VASH2: variants seen among roughly 807,000 people sequenced by gnomAD.
VASH2 encodes the protein tubulinyl-Tyr carboxypeptidase 2.
A neutral mutation model predicts 37.2 loss-of-function variants in VASH2; 28 were observed. The observed-to-expected ratio is 0.75, with a 90% CI of 0.56 to 1.03. The LOEUF (loss-of-function observed/expected upper bound fraction) is 1.03, where lower values mean the gene tolerates loss of function less well. VASH2 is among the 50% of genes least tolerant of loss of function. VASH2 has a pLI of 0.00. For synonymous variants in VASH2, 188 were observed against 174.7 expected, an observed-to-expected ratio of 1.08 and a Z score of -0.60; for missense variants, 419 against 459.1, an observed-to-expected ratio of 0.91 and a Z score of 0.80.
chr1:212,959,105 A>G (rs772213856), intron 2 of VASH2, among the ~76,000 whole-genome samples: 1 of 152,174 alleles, frequency 6.6e-6, no homozygotes, highest in Non-Finnish European at 1.5e-5. Context: ...TCGTTCGTAC[A>G]GGGCCTAAAA....
intron 2 of VASH2, among the ~76,000 whole-genome samples, chr1:212,958,297 C>T (rs530019839): frequency 1.8e-3 from 268 of 152,340 alleles, no homozygotes; most frequent in Non-Finnish European, 2.5e-3. Flanking sequence ...TGCGCCTCCC[C>T]GCCACTGCCC....
rs911885402 is a variant in VASH2 at position 212,968,103 on chromosome 1, C to T, written c.497+1758C>T. On this transcript the variant is annotated intron_variant, in intron 5 of 7. Transcript: ENST00000517399. ...AGGATCGGATTTAGGGAAAGATGAG[C>T]TCAGATTTGGACATGTGAAATTTGA... 4 of 649,784 alleles carry T rather than the reference C, an allele frequency of 6.2e-6. No individual in the cohort carries two copies. The African/African-American group carries it at 7.9e-5, about 13-fold the overall frequency. 40.3% of individuals were successfully genotyped at this position (649,784 alleles called of 1,614,324 possible).
chr1:212,955,428 T>C (rs972441323), intron 2 of VASH2, among the ~76,000 whole-genome samples: 2 of 152,160 alleles, frequency 1.3e-5, no homozygotes, highest in Admixed American at 6.5e-5. Flanking sequence ...AAGTTAGCAG[T>C]TGACGAGGTC....
chr1:212,986,652 T>C (rs1273065390), intron 7 of VASH2, among the ~76,000 whole-genome samples: 1 of 152,084 alleles, frequency 6.6e-6, no homozygotes, highest in East Asian at 1.9e-4. Context: ...AGTGGCTTTG[T>C]TTAAGGGAAT....
At chr1:212,963,904 T>G (rs908947404) in intron 3 of VASH2, among the ~76,000 whole-genome samples, 1 of 152,170 alleles carries the variant, frequency 6.6e-6, no homozygotes, top group African/African-American at 2.4e-5. Flanking sequence ...GGAACCTCGT[T>G]GCTTGTATAA....
At chr1:212,983,429 A>C (rs1329228304) in intron 7 of VASH2, among the ~76,000 whole-genome samples, 1 of 152,238 alleles carries the variant, frequency 6.6e-6, no homozygotes, top group Non-Finnish European at 1.5e-5. Context: ...AAAGAGAGCA[A>C]GCACAAGTGT....
intron 7 of VASH2, among the ~76,000 whole-genome samples, chr1:212,987,400 A>AC (rs921142739): frequency 3.9e-5 from 6 of 152,026 alleles, no homozygotes; most frequent in African/African-American, 1.4e-4. Context: ...ACATGGTGAA[A>AC]CCCCATGTCT....
rs567050851 is a variant in VASH2, at chr1:212,971,726, G to A, written c.498-854G>A. Among the ~76,000 whole-genome samples, 24 of 152,272 alleles carry A rather than the reference G, an allele frequency of 1.6e-4. No homozygotes were observed. The highest frequency in any genetic ancestry group is 2.5e-4 in the Non-Finnish European group (17 of 68,020). Reference sequence around the variant, plus strand: ...TAAACCGAGAGCAGAGGACAAGGCTGCCGCCAGTGCTGTGGATGGATTCTG... The same window carrying A: ...TAAACCGAGAGCAGAGGACAAGGCTACCGCCAGTGCTGTGGATGGATTCTG... On this transcript the variant is annotated intron_variant, in intron 5 of 7. Transcript: ENST00000517399. The surrounding 1 kb of genome is among the most constrained non-coding windows in gnomAD (Gnocchi z 4.0).
At chr1:212,973,365 T>C (rs1371445336) in intron 6 of VASH2, 1 of 1,283,126 alleles carries the variant, frequency 7.8e-7, no homozygotes, top group Non-Finnish European at 1.0e-6. Flanking sequence ...ACGTCCCTCT[T>C]CTCTCTCTCA....
chr1:212,957,242 C>T (rs930555816), intron 2 of VASH2, among the ~76,000 whole-genome samples: 3 of 152,168 alleles, frequency 2.0e-5, no homozygotes, highest in Non-Finnish European at 4.4e-5. Context: ...CACTGTATAC[C>T]ATCGTATATT....
Position 212,951,516 on chromosome 1 carries a change from T to C in VASH2, c.-27T>C. The C allele has an allele frequency of 7.8e-7, 1 of 1,285,794 alleles. No homozygotes were observed. 79.6% of individuals were successfully genotyped at this position (1,285,794 alleles called of 1,614,324 possible). A position where few individuals can be genotyped will look rare whatever the true frequency, so the allele number is the denominator to read the frequency against. On this transcript the variant is annotated 5_prime_UTR_variant, in exon 2 of 8. Transcript: ENST00000517399. The surrounding 1 kb of genome is among the most constrained non-coding windows in gnomAD (Gnocchi z 4.4). Reference sequence around the variant, plus strand: ...CGCTGCCGCCGCCGCGCGCCCCCAGTACCTCGCTCCCCGCCCAGGCCCCAC... The same window carrying C: ...CGCTGCCGCCGCCGCGCGCCCCCAGCACCTCGCTCCCCGCCCAGGCCCCAC...
At chr1:212,954,203 G>A (rs1202399119) in intron 2 of VASH2, among the ~76,000 whole-genome samples, 2 of 152,078 alleles carry the variant, frequency 1.3e-5, no homozygotes, top group South Asian at 2.1e-4. Context: ...GTGAGCCACC[G>A]CATCTGGCCT....
At chr1:212,972,260 T>A (rs1034142227) in intron 5 of VASH2, among the ~76,000 whole-genome samples, 1 of 152,108 alleles carries the variant, frequency 6.6e-6, no homozygotes, top group Non-Finnish European at 1.5e-5. Context: ...CCAGGCCGGG[T>A]TGCAGCCTGT....
chr1:212,953,237 G>GGGC (rs1666379875), intron 2 of VASH2, among the ~76,000 whole-genome samples: 1 of 151,942 alleles, frequency 6.6e-6, no homozygotes, highest in African/African-American at 2.4e-5. Flanking sequence ...GCGCGGGGGG[G>GGGC]GGTGCATTCT....
chr1:212,972,490 C>T (rs1043948025), intron 5 of VASH2, 90 bp from the exon 6 acceptor site: 1 of 1,514,324 alleles, frequency 6.6e-7, no homozygotes, highest in African/African-American at 1.4e-5. Flanking sequence ...GGGATGGACT[C>T]ACTGAACCCT....
chr1:212,970,965 T>G (rs985857040), intron 5 of VASH2, among the ~76,000 whole-genome samples: 2 of 151,846 alleles, frequency 1.3e-5, no homozygotes, highest in East Asian at 3.9e-4. Flanking sequence ...TACTCCCCAT[T>G]TCCCCCCTCC....
intron 2 of VASH2, among the ~76,000 whole-genome samples, chr1:212,958,238 A>G (rs1357979125): frequency 6.6e-6 from 1 of 152,188 alleles, no homozygotes; most frequent in East Asian, 1.9e-4. Context: ...CAGCTCTCCC[A>G]GACATCAGAG....
chr1:212,958,949 G>A (rs927884560), intron 2 of VASH2, among the ~76,000 whole-genome samples: 15 of 151,342 alleles, frequency 9.9e-5, no homozygotes, highest in Admixed American at 1.3e-4. Context: ...GGCTGGTCTC[G>A]AACTTCTGGG....
At chr1:212,982,921 T>G (rs994229735) in intron 7 of VASH2, among the ~76,000 whole-genome samples, 1 of 152,204 alleles carries the variant, frequency 6.6e-6, no homozygotes, top group Admixed American at 6.5e-5. Flanking sequence ...GTTCCCCACA[T>G]GGCTTTCAGG....
Sources: gnomAD v4.1 joint callset for allele counts (sites outside exome capture counted in the v4.1 genomes callset) on GRCh38, gnomAD v4.1.1 for gene constraint, Gnocchi (gnomAD v3.1) non-coding constraint, MANE v1.5 for transcripts, NCBI Gene and HGNC (gene_info 2026-07-23, HGNC 2026-07-21) for gene names.